Variants in FAM24B observed in about 807,000 individuals in gnomAD.
The protein encoded by FAM24B is protein FAM24B.
FAM24B carries 3 observed loss-of-function variants against 2.3 expected under a neutral mutation model. That is an observed-to-expected ratio of 1.29 (90% CI 0.59 to 3.32). The LOEUF (loss-of-function observed/expected upper bound fraction) is 3.32, where lower values mean the gene tolerates loss of function less well. Ranked by LOEUF, FAM24B falls within the 30% of genes most tolerant of loss-of-function variation. The pLI is 0.03. For synonymous variants in FAM24B, 36 were observed against 46.3 expected, an observed-to-expected ratio of 0.78 and a Z score of 0.90; for missense variants, 98 against 117.2, an observed-to-expected ratio of 0.84 and a Z score of 0.76.
chr10:122,871,597 C>G (rs1325438413), intron 1 of FAM24B, among the ~76,000 whole-genome samples: 5 of 151,978 alleles, frequency 3.3e-5, no homozygotes, highest in African/African-American at 1.2e-4. Flanking sequence ...AGATATAGAC[C>G]GATGGAACAG....
chr10:122,874,887 T>C (rs982776177), intron 1 of FAM24B, among the ~76,000 whole-genome samples: 1 of 152,208 alleles, frequency 6.6e-6, no homozygotes, highest in African/African-American at 2.4e-5. Flanking sequence ...CCAAGACAAT[T>C]CTTCTTTTCC....
Position 122,849,148 on chromosome 10 carries a change from A to T in FAM24B, c.*99T>A. 1 of 873,602 alleles carries T rather than the reference A, an allele frequency of 1.1e-6. No homozygotes were observed. Among genetic ancestry groups the T allele is most frequent in the Non-Finnish European group, 1.7e-6 (1 of 601,134 alleles). The allele number at this position is 873,602 out of a possible 1,614,324, so 54.1% of individuals were successfully genotyped here. On this transcript the variant is annotated 3_prime_UTR_variant, in exon 4 of 4. Coordinates refer to ENST00000368898, the MANE Select transcript of FAM24B (RefSeq NM_152644.3). ...AGTATATAAAACAACACTGTAAATT[A>T]TATAATCTCACATAAAAACACTAGA...
At chr10:122,878,084 AC>A (rs1211759864) in intron 1 of FAM24B, among the ~76,000 whole-genome samples, 4 of 152,218 alleles carry the variant, frequency 2.6e-5, no homozygotes. Context: ...AAATTCTCTC[AC>A]AGTGTGGAGG....
chr10:122,870,496 T>C (rs1847877034), intron 1 of FAM24B, among the ~76,000 whole-genome samples: 1 of 152,170 alleles, frequency 6.6e-6, no homozygotes, highest in South Asian at 2.1e-4. Flanking sequence ...AAGAGAATTT[T>C]AGACCAATAT....
intron 2 of FAM24B, among the ~76,000 whole-genome samples, chr10:122,854,845 T>C (rs1354365685): frequency 1.3e-5 from 2 of 152,248 alleles, no homozygotes; most frequent in Non-Finnish European, 1.5e-5. Flanking sequence ...ATTTGCGAAC[T>C]GCCCATCCTG....
At chr10:122,870,451 T>G (rs556202405) in intron 1 of FAM24B, among the ~76,000 whole-genome samples, 10 of 152,084 alleles carry the variant, frequency 6.6e-5, no homozygotes, top group African/African-American at 9.7e-5. Context: ...CCAGCATCAT[T>G]CTGATACCAA....
At chr10:122,850,000 G>A (rs1170471916) in intron 3 of FAM24B, among the ~76,000 whole-genome samples, 2 of 152,136 alleles carry the variant, frequency 1.3e-5, no homozygotes, top group Non-Finnish European at 2.9e-5. Context: ...CAGGCAAGAA[G>A]AGATCAATCC....
chr10:122,868,080 T>C (rs1847829641), intron 1 of FAM24B, among the ~76,000 whole-genome samples: 1 of 152,080 alleles, frequency 6.6e-6, no homozygotes, highest in African/African-American at 2.4e-5. Flanking sequence ...GAATAATCAA[T>C]GCAGAGAAGT....
intron 1 of FAM24B, among the ~76,000 whole-genome samples, chr10:122,867,931 G>A (rs1047549462): frequency 9.2e-5 from 14 of 152,236 alleles, no homozygotes; most frequent in Non-Finnish European, 1.6e-4. Flanking sequence ...ATGGAACAAA[G>A]CTGGATGGAG....
intron 1 of FAM24B, among the ~76,000 whole-genome samples, chr10:122,865,307 A>T (rs1566258648): frequency 6.6e-6 from 1 of 151,932 alleles, no homozygotes; most frequent in Non-Finnish European, 1.5e-5. Flanking sequence ...AGTTTGCTGA[A>T]TTTTTTTTAT....
At chr10:122,870,404 G>C (rs1014226420) in intron 1 of FAM24B, among the ~76,000 whole-genome samples, 5 of 152,202 alleles carry the variant, frequency 3.3e-5, no homozygotes, top group Admixed American at 3.3e-4. Context: ...CCAATCAATA[G>C]AAAAAGAGGG....
intron 1 of FAM24B, among the ~76,000 whole-genome samples, chr10:122,861,079 G>T (rs1360961043): frequency 6.6e-6 from 1 of 151,836 alleles, no homozygotes; most frequent in Non-Finnish European, 1.5e-5. Context: ...CATTTTTGTT[G>T]TCATATCTAA....
intron 1 of FAM24B, among the ~76,000 whole-genome samples, chr10:122,875,391 G>T (rs1333843853): frequency 6.6e-6 from 1 of 152,096 alleles, no homozygotes; most frequent in Non-Finnish European, 1.5e-5. Flanking sequence ...TTCCCTACTT[G>T]AGAATTACAA....
intron 1 of FAM24B, among the ~76,000 whole-genome samples, chr10:122,869,862 A>C (rs1480728927): frequency 6.6e-6 from 1 of 152,214 alleles, no homozygotes; most frequent in Non-Finnish European, 1.5e-5. Context: ...CCCTAACATC[A>C]CAATTAAAAG....
At chr10:122,857,884 G>C (rs569908766) in intron 1 of FAM24B, among the ~76,000 whole-genome samples, 1 of 152,260 alleles carries the variant, frequency 6.6e-6, no homozygotes, top group South Asian at 2.1e-4. Context: ...CCCCCAAATG[G>C]GCTGGAAGTG....
intron 1 of FAM24B, among the ~76,000 whole-genome samples, chr10:122,856,359 G>A (rs1285536207): frequency 3.3e-5 from 5 of 152,014 alleles, no homozygotes; most frequent in African/African-American, 9.7e-5. Flanking sequence ...TAAGCAGACA[G>A]TGCCAATTAT....
chr10:122,870,989 T>G (rs1481179687), intron 1 of FAM24B, among the ~76,000 whole-genome samples: 7 of 152,180 alleles, frequency 4.6e-5, no homozygotes, highest in Non-Finnish European at 8.8e-5. Context: ...AAAGAGGAAG[T>G]CAAATTGTCC....
At chr10:122,854,893 A>G (rs1847611070) in intron 2 of FAM24B, among the ~76,000 whole-genome samples, 1 of 152,224 alleles carries the variant, frequency 6.6e-6, no homozygotes, top group Admixed American at 6.5e-5. Flanking sequence ...CAAATGGTGC[A>G]AACACCCCGA....
chr10:122,871,096 T>C (rs1283388755), intron 1 of FAM24B, among the ~76,000 whole-genome samples: 1 of 152,102 alleles, frequency 6.6e-6, no homozygotes, highest in East Asian at 1.9e-4. Flanking sequence ...AGTCTCAGGA[T>C]ACAAAATCAA....
Sources: gnomAD v4.1 joint callset for allele counts (sites outside exome capture counted in the v4.1 genomes callset) on GRCh38, gnomAD v4.1.1 for gene constraint, MANE v1.5 for transcripts, NCBI Gene and HGNC (gene_info 2026-07-23, HGNC 2026-07-21) for gene names.